Variants in LNPEP observed in about 807,000 individuals in gnomAD.
The protein encoded by LNPEP is leucyl and cystinyl aminopeptidase, also known as leucyl-cystinyl aminopeptidase.
LNPEP carries 64 observed loss-of-function variants against 120.6 expected under a neutral mutation model. That is an observed-to-expected ratio of 0.53 (90% CI 0.43 to 0.65). LNPEP has a LOEUF of 0.65. LNPEP is among the 30% of genes least tolerant of loss of function. The pLI, the probability that LNPEP is intolerant of heterozygous loss-of-function variation, is 0.00. For synonymous variants in LNPEP, 435 were observed against 425.4 expected (o/e 1.02, Z -0.28); for missense variants, 1,057 against 1,200.0 (o/e 0.88, Z 1.76).
chr5:96,974,836 A>G (rs922089913), intron 1 of LNPEP, among the ~76,000 whole-genome samples: 2 of 152,064 alleles, frequency 1.3e-5, no homozygotes, highest in Non-Finnish European at 2.9e-5. Flanking sequence ...TGAAAGCTTT[A>G]GGTTTCTGGG....
chr5:96,969,165 T>C (rs1306713718), intron 1 of LNPEP, among the ~76,000 whole-genome samples: 1 of 152,032 alleles, frequency 6.6e-6, no homozygotes, highest in Non-Finnish European at 1.5e-5. Context: ...AAGTGGACAC[T>C]TAAAAGGAGT....
chr5:96,950,323 C>T (rs1789292700), intron 1 of LNPEP, among the ~76,000 whole-genome samples: 1 of 152,214 alleles, frequency 6.6e-6, no homozygotes, highest in African/African-American at 2.4e-5. Context: ...AATTTCTCTT[C>T]CTACAGTGCT....
intron 5 of LNPEP, 55 bp from the exon 6 acceptor site, chr5:96,993,762 G>T: frequency 6.6e-7 from 1 of 1,511,244 alleles, no homozygotes; most frequent in East Asian, 2.3e-5. Flanking sequence ...AATACTTTGA[G>T]TAGAAAATGC....
chr5:96,989,108 A>G (rs1258232860), intron 4 of LNPEP, among the ~76,000 whole-genome samples: 1 of 151,284 alleles, frequency 6.6e-6, no homozygotes, highest in Non-Finnish European at 1.5e-5. Context: ...TTCCTGTATT[A>G]GGAAACAACA....
intron 1 of LNPEP, among the ~76,000 whole-genome samples, chr5:96,964,758 C>T (rs566957371): frequency 6.6e-6 from 1 of 152,064 alleles, no homozygotes; most frequent in African/African-American, 2.4e-5. Flanking sequence ...CTGGTTTAAA[C>T]TTATTAGTGA....
chr5:97,019,307 G>T (rs572477149), intron 13 of LNPEP, among the ~76,000 whole-genome samples: 2 of 151,928 alleles, frequency 1.3e-5, no homozygotes, highest in Non-Finnish European at 2.9e-5. Context: ...AAATTAATTT[G>T]GATCCTTAGA....
At chr5:96,981,379 C>T (rs558555711) in intron 2 of LNPEP, among the ~76,000 whole-genome samples, 2 of 152,240 alleles carry the variant, frequency 1.3e-5, no homozygotes, top group South Asian at 4.1e-4. Flanking sequence ...AGCAGAGTTT[C>T]ACGTACTAAT....
chr5:96,969,482 G>A (rs1455729453), intron 1 of LNPEP, among the ~76,000 whole-genome samples: 3 of 151,956 alleles, frequency 2.0e-5, no homozygotes, highest in South Asian at 2.1e-4. Context: ...GATGTAAGAC[G>A]GCTGGGCTTG....
At chr5:96,943,760 A>G (rs892467571) in intron 1 of LNPEP, among the ~76,000 whole-genome samples, 2 of 152,244 alleles carry the variant, frequency 1.3e-5, no homozygotes, top group Admixed American at 1.3e-4. Flanking sequence ...AGTTTCAAAA[A>G]ACAATGGAGG....
intron 1 of LNPEP, among the ~76,000 whole-genome samples, chr5:96,951,874 T>C (rs1789332467): frequency 2.0e-5 from 3 of 152,324 alleles, no homozygotes; most frequent in Admixed American, 6.5e-5. Context: ...GTGTATTTAC[T>C]CTATATGCTT....
intron 6 of LNPEP, chr5:96,995,979 T>G (rs190292559): frequency 4.4e-5 from 7 of 157,792 alleles, no homozygotes; most frequent in Non-Finnish European, 2.8e-5. Flanking sequence ...TCATGGGTGG[T>G]TGTAGATACA....
rs1336067974 is a variant in LNPEP, at chr5:97,010,708, A to C, written c.2036-2940A>C. 4.1e-6 allele frequency: 4 copies of C among 985,102 alleles called. No homozygotes were observed. In the African/African-American group the frequency reaches 5.2e-5, roughly 13 times the overall value. The allele number at this position is 985,102 out of a possible 1,614,324, so 61.0% of individuals were successfully genotyped here. On this transcript the variant is annotated intron_variant, in intron 11 of 17. Coordinates refer to ENST00000231368, the MANE Select transcript of LNPEP (RefSeq NM_005575.3). ...CTGCCATTTAATATTGCAGTTGCTC[A>C]CTCTTTTTTGCTACTCAATAGACTG... is the stretch of plus-strand genomic sequence containing the variant.
At chr5:97,008,391 C>T (rs1397563438) in intron 11 of LNPEP, among the ~76,000 whole-genome samples, 9 of 104,840 alleles carry the variant, frequency 8.6e-5, no homozygotes, top group Non-Finnish European at 1.4e-4. Context: ...TGCTCTGTTG[C>T]CCAGGCTGGA....
intron 1 of LNPEP, among the ~76,000 whole-genome samples, chr5:96,949,230 T>G (rs536174396): frequency 3.9e-5 from 6 of 152,314 alleles, no homozygotes; most frequent in African/African-American, 1.4e-4. Flanking sequence ...GGGTCCCCAA[T>G]TTGCATGTCA....
chr5:97,002,454 A>G (rs1790678573), intron 8 of LNPEP, among the ~76,000 whole-genome samples: 1 of 152,242 alleles, frequency 6.6e-6, no homozygotes, highest in Non-Finnish European at 1.5e-5. Context: ...TGGGGACAAC[A>G]GTGAGTACTT....
intron 8 of LNPEP, among the ~76,000 whole-genome samples, chr5:97,002,975 A>G (rs1486359648): frequency 6.6e-6 from 1 of 152,186 alleles, no homozygotes; most frequent in Non-Finnish European, 1.5e-5. Flanking sequence ...TAGCAGGGAG[A>G]CTTTTGAGAG....
rs1196058540 is a variant in LNPEP, at chr5:96,954,733, T to C, written c.19+18559T>C. 4.8e-4 allele frequency among the ~76,000 whole-genome samples: 50 copies of C among 104,978 alleles called. 7 individuals carry two copies. Among genetic ancestry groups the C allele is most frequent in the East Asian group, 3.7e-3 (15 of 4,056 alleles). 68.9% of individuals were successfully genotyped at this position (104,978 alleles called of 152,430 possible). ...ATACACATATATATACATATATATA[T>C]ACATATATATATACACATATATATA... On this transcript the variant is annotated intron_variant, in intron 1 of 17. Transcript: ENST00000231368.
chr5:96,982,371 A>T (rs1790147421), intron 2 of LNPEP, among the ~76,000 whole-genome samples: 1 of 152,174 alleles, frequency 6.6e-6, no homozygotes, highest in South Asian at 2.1e-4. Context: ...AAGGAAATAT[A>T]CTCTCCAGTG....
intron 2 of LNPEP, among the ~76,000 whole-genome samples, chr5:96,981,550 C>G (rs1790123883): frequency 1.3e-5 from 2 of 152,158 alleles, no homozygotes; most frequent in African/African-American, 4.8e-5. Context: ...TGTATTTATT[C>G]CTCCCATTAA....
Sources: allele counts gnomAD v4.1 joint callset (sites outside exome capture counted in the v4.1 genomes callset), GRCh38; gene constraint gnomAD v4.1.1; transcripts MANE v1.5; gene names NCBI Gene and HGNC (gene_info 2026-07-23, HGNC 2026-07-21).